EYS: variants seen among roughly 807,000 people sequenced by gnomAD.
The protein encoded by EYS is EGF-like photoreceptor maintenance factor.
A neutral mutation model predicts 282.1 loss-of-function variants in EYS; 250 were observed. The ratio of observed to expected loss-of-function variants is 0.89; its 90% CI spans 0.80 to 0.98. The LOEUF is 0.98. EYS is among the 50% of genes least tolerant of loss of function. The pLI, the probability that EYS is intolerant of heterozygous loss-of-function variation, is 0.00. For synonymous variants in EYS, 1,355 were observed against 1,282.9 expected, an observed-to-expected ratio of 1.06 and a Z score of -1.20; for missense variants, 4,016 against 3,709.0, an observed-to-expected ratio of 1.08 and a Z score of -2.15.
intron 12 of EYS, among the ~76,000 whole-genome samples, chr6:65,209,824 T>A (rs1476206077): frequency 6.6e-6 from 1 of 151,826 alleles, no homozygotes; most frequent in African/African-American, 2.4e-5. Context: ...TTGAAGGAAG[T>A]AGCCATGTGG....
At chr6:63,756,682 G>A (rs777637230) in intron 41 of EYS, among the ~76,000 whole-genome samples, 11 of 152,050 alleles carry the variant, frequency 7.2e-5, no homozygotes, top group Non-Finnish European at 1.3e-4. Context: ...GACCCCAAAC[G>A]GAGGGACTGG....
intron 12 of EYS, among the ~76,000 whole-genome samples, chr6:65,089,645 C>T (rs925085702): frequency 2.6e-5 from 4 of 151,954 alleles, no homozygotes; most frequent in African/African-American, 9.7e-5. Context: ...TGAGTTAATG[C>T]TGCAATGAGC....
chr6:64,085,622 G>A (rs545807599), intron 31 of EYS, among the ~76,000 whole-genome samples: 41 of 151,988 alleles, frequency 2.7e-4, no homozygotes, highest in African/African-American at 9.7e-4. Flanking sequence ...TTTAGGTATG[G>A]CACCTCATTT....
chr6:65,468,149 A>G (rs183217664), intron 5 of EYS, among the ~76,000 whole-genome samples: 1 of 152,166 alleles, frequency 6.6e-6, no homozygotes, highest in Non-Finnish European at 1.5e-5. Flanking sequence ...TTAAAGGGAA[A>G]GTAACAAAAA....
intron 14 of EYS, among the ~76,000 whole-genome samples, chr6:64,975,315 A>C (rs920197895): frequency 6.6e-6 from 1 of 151,880 alleles, no homozygotes; most frequent in African/African-American, 2.4e-5. Context: ...ATACATTACT[A>C]TAAATATAAA....
chr6:65,601,693 G>A (rs1368149219), intron 2 of EYS, among the ~76,000 whole-genome samples: 3 of 151,888 alleles, frequency 2.0e-5, no homozygotes, highest in East Asian at 1.9e-4. Context: ...AATTTTTCTC[G>A]AAACACAGAT....
chr6:64,753,826 C>T (rs1049589249), intron 22 of EYS, among the ~76,000 whole-genome samples: 3 of 152,028 alleles, frequency 2.0e-5, no homozygotes, highest in Non-Finnish European at 4.4e-5. Flanking sequence ...GTGCATAAAA[C>T]ATTCCCCAAG....
intron 22 of EYS, among the ~76,000 whole-genome samples, chr6:64,704,693 T>C (rs1402297992): frequency 2.0e-5 from 3 of 151,872 alleles, no homozygotes; most frequent in Admixed American, 6.6e-5. Flanking sequence ...TGGAGCTATG[T>C]TTCATGAAAA....
At chr6:63,729,406 T>C (rs1216155351) in intron 41 of EYS, among the ~76,000 whole-genome samples, 1 of 152,074 alleles carries the variant, frequency 6.6e-6, no homozygotes, top group Admixed American at 6.6e-5. Context: ...CTCAAAGTCA[T>C]CTAGATTTTC....
intron 5 of EYS, among the ~76,000 whole-genome samples, chr6:65,423,522 G>A (rs1044891590): frequency 2.0e-5 from 3 of 151,820 alleles, no homozygotes; most frequent in Non-Finnish European, 4.4e-5. Context: ...CTGATTCAGC[G>A]GGTCTACATT....
chr6:64,844,365 T>A (rs1454898884), intron 19 of EYS, among the ~76,000 whole-genome samples: 3 of 151,674 alleles, frequency 2.0e-5, no homozygotes, highest in Non-Finnish European at 4.4e-5. Flanking sequence ...TGGGTTTTTT[T>A]TTTTTTGAGT....
At chr6:64,661,768 C>G (rs1002586628) in intron 22 of EYS, among the ~76,000 whole-genome samples, 13 of 136,562 alleles carry the variant, frequency 9.5e-5, no homozygotes, top group African/African-American at 3.4e-4. Flanking sequence ...AATAGGAACA[C>G]TTTTACACTG....
intron 31 of EYS, among the ~76,000 whole-genome samples, chr6:64,199,833 T>A (rs1330887978): frequency 1.3e-5 from 2 of 152,150 alleles, no homozygotes; most frequent in Non-Finnish European, 2.9e-5. Context: ...CTCTTAGGTA[T>A]TTACTGATAG....
intron 12 of EYS, among the ~76,000 whole-genome samples, chr6:65,102,383 C>G (rs1226706927): frequency 6.6e-6 from 1 of 151,162 alleles, no homozygotes; most frequent in Non-Finnish European, 1.5e-5. Context: ...TGACAATATT[C>G]TAAAAGCAAT....
At chr6:64,709,939 G>T (rs1031231664) in intron 22 of EYS, among the ~76,000 whole-genome samples, 7 of 152,102 alleles carry the variant, frequency 4.6e-5, no homozygotes, top group African/African-American at 1.4e-4. Context: ...TGTGACTTAT[G>T]ATCAAATTGT....
At chr6:64,573,517 C>T (rs751319480) in intron 26 of EYS, among the ~76,000 whole-genome samples, 1 of 152,004 alleles carries the variant, frequency 6.6e-6, no homozygotes, top group Non-Finnish European at 1.5e-5. Flanking sequence ...GAAAAGTTTT[C>T]CATTCAATCC....
At chr6:64,139,881 T>C (rs1432473920) in intron 31 of EYS, among the ~76,000 whole-genome samples, 1 of 151,714 alleles carries the variant, frequency 6.6e-6, no homozygotes, top group Non-Finnish European at 1.5e-5. Context: ...AGGCAGAGAA[T>C]TGCTTGAACC....
intron 29 of EYS, among the ~76,000 whole-genome samples, chr6:64,346,084 A>G (rs1771379493): frequency 6.6e-6 from 1 of 152,054 alleles, no homozygotes; most frequent in Non-Finnish European, 1.5e-5. Context: ...AGAAATAGGA[A>G]CACTTGTACA....
intron 12 of EYS, among the ~76,000 whole-genome samples, chr6:65,266,939 G>GATATAT (rs10571040): frequency 2.9e-5 from 4 of 140,000 alleles, no homozygotes; most frequent in Non-Finnish European, 4.7e-5. Context: ...CACAAACATT[G>GATATAT]ATATATATAT....
Sources: allele counts gnomAD v4.1 joint callset (sites outside exome capture counted in the v4.1 genomes callset), GRCh38; gene constraint gnomAD v4.1.1; transcripts MANE v1.5; gene names NCBI Gene and HGNC (gene_info 2026-07-23, HGNC 2026-07-21).